The following DDAH1 variants were observed in gnomAD, a reference collection of about 807,000 sequenced individuals.
The protein encoded by DDAH1 is dimethylarginine dimethylaminohydrolase 1.
Under a neutral mutation model 28.8 loss-of-function variants are expected in DDAH1, and 19 were observed. The ratio of observed to expected loss-of-function variants is 0.66; its 90% CI spans 0.46 to 0.97. The LOEUF (loss-of-function observed/expected upper bound fraction) is 0.97, where lower values mean the gene tolerates loss of function less well. Ranked by LOEUF, DDAH1 falls within the 50% of genes least tolerant of loss-of-function variation. The pLI is 0.00. For missense variants in DDAH1, 326 were observed against 375.9 expected, an observed-to-expected ratio of 0.87 and a Z score of 1.10; for synonymous variants, 153 against 154.4, an observed-to-expected ratio of 0.99 and a Z score of 0.07.
rs192937150 is a variant in DDAH1, at chr1:85,480,691, C to G, written c.-7+15475G>C. Among the ~76,000 whole-genome samples the G allele has an allele frequency of 9.3e-4, 141 of 152,054 alleles. 2 individuals are homozygous for G. The highest frequency in any genetic ancestry group is 3.3e-3 in the African/African-American group (137 of 41,482). ...ATTGGGGAGATGGAAGTTGAACGAC[C>G]CAAGACTGTGCCACAGCACTCCAAC... On this transcript the variant is annotated intron_variant, in intron 2 of 6. Coordinates refer to the DDAH1 transcript ENST00000426972.
intron 1 of DDAH1, among the ~76,000 whole-genome samples, chr1:85,366,107 A>C (rs12038426): frequency 0.13 from 18,995 of 151,950 alleles, 1,533 homozygotes; most frequent in South Asian, 0.29. Context: ...TAAAAAAAAA[A>C]AAAACAAAAC....
chr1:85,482,446 A>G (rs1557679336), intron 2 of DDAH1: 1 of 152,200 alleles, frequency 6.6e-6, no homozygotes, highest in Non-Finnish European at 1.5e-5. Flanking sequence ...TGATATTGCA[A>G]TCGTGTAATA....
At chr1:85,416,222 T>G (rs545655581) in intron 1 of DDAH1, among the ~76,000 whole-genome samples, 17 of 152,242 alleles carry the variant, frequency 1.1e-4, no homozygotes, top group Admixed American at 9.2e-4. Context: ...TGATTTTGGT[T>G]TCCTTCTATA....
chr1:85,340,760 T>TAA (rs377144004), intron 4 of DDAH1, among the ~76,000 whole-genome samples: 529 of 147,520 alleles, frequency 3.6e-3, no homozygotes, highest in African/African-American at 0.013. Context: ...ACTCCTCTGC[T>TAA]AAAAAAAAAA....
At chr1:85,466,161 C>T (rs190322663), upstream of DDAH1, among the ~76,000 whole-genome samples, 3 of 152,352 alleles carry the variant, frequency 2.0e-5, no homozygotes, top group East Asian at 5.8e-4. Flanking sequence ...GAGATGTGAT[C>T]TGCCTTCTCT....
upstream of DDAH1, among the ~76,000 whole-genome samples, chr1:85,465,681 C>A (rs563016475): frequency 6.6e-6 from 1 of 152,014 alleles, no homozygotes; most frequent in Non-Finnish European, 1.5e-5. Context: ...TGTGTGTGTT[C>A]GCGTGTGTGT....
chr1:85,335,999 A>AAATAC (rs1305984666), intron 4 of DDAH1, among the ~76,000 whole-genome samples: 39 of 151,468 alleles, frequency 2.6e-4, no homozygotes, highest in Non-Finnish European at 1.5e-5. Context: ...AAATAAAATA[A>AAATAC]AATAAAATAA....
intron 1 of DDAH1, among the ~76,000 whole-genome samples, chr1:85,500,126 CTTTCTTTCTTTCTTT>C (rs1028375417): frequency 1.3e-4 from 5 of 39,066 alleles, no homozygotes; most frequent in African/African-American, 3.9e-4. Context: ...TTCTTTCTTT[CTTTCTTTCTTTCTTT>C]CTTTCTTTTC....
At chr1:85,431,031 T>A (rs1474874485) in intron 1 of DDAH1, among the ~76,000 whole-genome samples, 2 of 152,176 alleles carry the variant, frequency 1.3e-5, no homozygotes, top group Non-Finnish European at 2.9e-5. Context: ...TGTGGGTCTG[T>A]CATAAATAGC....
intron 4 of DDAH1, among the ~76,000 whole-genome samples, chr1:85,333,806 A>G (rs1647929766): frequency 6.6e-6 from 1 of 152,228 alleles, no homozygotes; most frequent in Non-Finnish European, 1.5e-5. Context: ...CCATAAAGCA[A>G]CAAAATATTT....
At chr1:85,402,078 T>C (rs1488949146) in intron 1 of DDAH1, among the ~76,000 whole-genome samples, 1 of 151,950 alleles carries the variant, frequency 6.6e-6, no homozygotes, top group East Asian at 1.9e-4. Flanking sequence ...CTCAAACTCT[T>C]GGGCTCAAGC....
chr1:85,559,885 G>C (rs1659092615), intron 1 of DDAH1, among the ~76,000 whole-genome samples: 1 of 151,988 alleles, frequency 6.6e-6, no homozygotes, highest in South Asian at 2.1e-4. Flanking sequence ...TGTCCACATG[G>C]AGAGAAGTAG....
intron 1 of DDAH1, among the ~76,000 whole-genome samples, chr1:85,435,600 G>C (rs1350523995): frequency 6.6e-6 from 1 of 152,114 alleles, no homozygotes; most frequent in African/African-American, 2.4e-5. Context: ...AAGAGTAAGG[G>C]GAACAGAAAT....
chr1:85,468,030 C>T (rs1655446992), upstream of DDAH1, among the ~76,000 whole-genome samples: 1 of 151,998 alleles, frequency 6.6e-6, no homozygotes, highest in East Asian at 1.9e-4. Context: ...TTGGTTTAGG[C>T]CTTAAATAAT....
chr1:85,503,016 C>T (rs950114530), intron 1 of DDAH1, among the ~76,000 whole-genome samples: 1 of 151,998 alleles, frequency 6.6e-6, no homozygotes, highest in African/African-American at 2.4e-5. Context: ...AACACGGACT[C>T]AGTAAATTGT....
At chr1:85,493,106 T>C (rs1656460651) in intron 2 of DDAH1, among the ~76,000 whole-genome samples, 1 of 151,976 alleles carries the variant, frequency 6.6e-6, no homozygotes, top group South Asian at 2.1e-4. Flanking sequence ...TAATATTATA[T>C]ATACTTTCTT....
At chr1:85,400,638 G>A (rs921220511) in intron 1 of DDAH1, among the ~76,000 whole-genome samples, 7 of 152,102 alleles carry the variant, frequency 4.6e-5, no homozygotes, top group South Asian at 4.1e-4. Context: ...GTCCACATGG[G>A]ATCCCCAGGA....
intron 2 of DDAH1, chr1:85,493,409 C>T (rs1557689309): frequency 1.3e-5 from 2 of 152,040 alleles, no homozygotes; most frequent in East Asian, 1.9e-4. Flanking sequence ...AATAAAATCA[C>T]CACAACATAC....
At chr1:85,502,177 A>G (rs1370004688) in intron 1 of DDAH1, among the ~76,000 whole-genome samples, 1 of 152,010 alleles carries the variant, frequency 6.6e-6, no homozygotes, top group Non-Finnish European at 1.5e-5. Flanking sequence ...CATATTGTAA[A>G]CTCTTTGAAG....
Sources: gnomAD v4.1 joint callset for allele counts (sites outside exome capture counted in the v4.1 genomes callset) on GRCh38, gnomAD v4.1.1 for gene constraint, MANE v1.5 for transcripts, NCBI Gene and HGNC (gene_info 2026-07-23, HGNC 2026-07-21) for gene names.